The following NKAIN3 variants were observed in gnomAD, a reference collection of about 807,000 sequenced individuals.
NKAIN3 encodes sodium/potassium-transporting ATPase subunit beta-1-interacting protein 3.
A neutral mutation model predicts 30.2 loss-of-function variants in NKAIN3; 25 were observed. The ratio of observed to expected loss-of-function variants is 0.83; its 90% CI spans 0.60 to 1.16. The LOEUF is 1.16. Among genes scored for constraint, NKAIN3 ranks in the 50% most tolerant of loss-of-function variants. The probability of loss-of-function intolerance (pLI) is 0.00; values close to 1 mark genes in which losing one functional copy is unlikely to be tolerated. For synonymous variants in NKAIN3, 91 were observed against 89.6 expected, an observed-to-expected ratio of 1.02 and a Z score of -0.09; for missense variants, 225 against 254.1, an observed-to-expected ratio of 0.89 and a Z score of 0.78.
At chr8:62,556,342 T>C (rs143411200) in intron 1 of NKAIN3, among the ~76,000 whole-genome samples, 1 of 151,636 alleles carries the variant, frequency 6.6e-6, no homozygotes, top group East Asian at 1.9e-4. Flanking sequence ...AAATAACTCA[T>C]ATATATTTGA....
intron 1 of NKAIN3, among the ~76,000 whole-genome samples, chr8:62,442,308 A>G (rs57080182): frequency 3.2e-4 from 48 of 152,126 alleles, no homozygotes; most frequent in African/African-American, 1.1e-3. Flanking sequence ...TTAGGCTAAT[A>G]TTACTAGTTT....
intron 1 of NKAIN3, among the ~76,000 whole-genome samples, chr8:62,272,512 G>A (rs1290175604): frequency 6.6e-6 from 1 of 152,170 alleles, no homozygotes; most frequent in Non-Finnish European, 1.5e-5. Context: ...AGTAATTGGC[G>A]ACTTTGTTGG....
At chr8:62,681,708 A>C (rs1813649875) in intron 3 of NKAIN3, among the ~76,000 whole-genome samples, 1 of 152,198 alleles carries the variant, frequency 6.6e-6, no homozygotes, top group African/African-American at 2.4e-5. Flanking sequence ...CATTCTAATG[A>C]TCTTCTATGT....
At chr8:62,493,538 AT>A (rs1030239074) in intron 1 of NKAIN3, among the ~76,000 whole-genome samples, 1 of 151,806 alleles carries the variant, frequency 6.6e-6, no homozygotes, top group Admixed American at 6.6e-5. Context: ...AATTTTTAAA[AT>A]TTTTTTCTAG....
Position 62,977,199 on chromosome 8 carries a change from CTCTGTATTTCCTGAATTTGTAT to C in NKAIN3, c.*11805_*11826del. Among the ~76,000 whole-genome samples, 1 of 152,180 alleles carries C rather than the reference CTCTGTATTTCCTGAATTTGTAT, an allele frequency of 6.6e-6. No individual in the cohort carries two copies. The highest frequency in any genetic ancestry group is 2.4e-5 in the African/African-American group (1 of 41,520). On this transcript the variant is annotated 3_prime_UTR_variant, in exon 7 of 7. Transcript: ENST00000623646. Reference sequence around the variant, plus strand: ...TCTCAAAGAGTATCTTTGTGGTGTTCTCTGTATTTCCTGAATTTGTATTCTGTATTTCCTAAGCCTGCCTTGC... The same window carrying C: ...TCTCAAAGAGTATCTTTGTGGTGTTCTCTGTATTTCCTAAGCCTGCCTTGC...
At chr8:62,472,817 C>G (rs991383826) in intron 1 of NKAIN3, among the ~76,000 whole-genome samples, 1 of 152,170 alleles carries the variant, frequency 6.6e-6, no homozygotes, top group Non-Finnish European at 1.5e-5. Flanking sequence ...AAAAGCTTAG[C>G]GGTCTGACCA....
intron 1 of NKAIN3, among the ~76,000 whole-genome samples, chr8:62,505,602 G>C (rs1807607039): frequency 6.6e-6 from 1 of 152,080 alleles, no homozygotes; most frequent in Non-Finnish European, 1.5e-5. Context: ...CTGGGGACTT[G>C]CTAAATAGTT....
At chr8:62,250,285 C>A (rs1392852301) in intron 1 of NKAIN3, among the ~76,000 whole-genome samples, 1 of 152,064 alleles carries the variant, frequency 6.6e-6, no homozygotes, top group East Asian at 1.9e-4. Flanking sequence ...CCCATGAAAA[C>A]CTCACTTTGG....
intron 4 of NKAIN3, among the ~76,000 whole-genome samples, chr8:62,916,331 T>G (rs1822102607): frequency 6.6e-6 from 1 of 152,212 alleles, no homozygotes; most frequent in Non-Finnish European, 1.5e-5. Flanking sequence ...ATTAAGCTTA[T>G]GAAGAGTATT....
intron 1 of NKAIN3, among the ~76,000 whole-genome samples, chr8:62,266,555 T>G (rs1303738004): frequency 6.6e-6 from 1 of 152,170 alleles, no homozygotes; most frequent in Non-Finnish European, 1.5e-5. Flanking sequence ...TTAAAGGAAA[T>G]CTTGAGAAAT....
intron 4 of NKAIN3, among the ~76,000 whole-genome samples, chr8:62,807,929 A>G (rs974287914): frequency 2.0e-5 from 3 of 151,882 alleles, no homozygotes; most frequent in African/African-American, 7.2e-5. Flanking sequence ...ATGTTTTAGA[A>G]TGAATACTGG....
intron 1 of NKAIN3, among the ~76,000 whole-genome samples, chr8:62,443,514 G>A (rs1805394440): frequency 6.6e-6 from 1 of 152,070 alleles, no homozygotes; most frequent in Non-Finnish European, 1.5e-5. Context: ...CTCCCGAGTA[G>A]CTGGGACTAG....
chr8:62,947,731 G>A (rs1219566502), intron 5 of NKAIN3, among the ~76,000 whole-genome samples: 3 of 152,100 alleles, frequency 2.0e-5, no homozygotes, highest in Non-Finnish European at 2.9e-5. Flanking sequence ...ATTTTGCAAG[G>A]AAGCTCAGGC....
chr8:62,949,168 A>C (rs936288116), intron 5 of NKAIN3, among the ~76,000 whole-genome samples: 1 of 152,166 alleles, frequency 6.6e-6, no homozygotes, highest in Non-Finnish European at 1.5e-5. Context: ...CACCTTGCAC[A>C]TGTTGTCTCC....
intron 4 of NKAIN3, among the ~76,000 whole-genome samples, chr8:62,846,345 G>C (rs1375770767): frequency 6.6e-6 from 1 of 151,940 alleles, no homozygotes; most frequent in Non-Finnish European, 1.5e-5. Flanking sequence ...TTAAGTTCAG[G>C]GGTACATGTG....
chr8:62,997,752 C>CTT (rs146814476), intron 5 of NKAIN3, among the ~76,000 whole-genome samples: 2 of 112,706 alleles, frequency 1.8e-5, no homozygotes, highest in African/African-American at 6.9e-5. Flanking sequence ...GAGCTCTTTT[C>CTT]TTTAAAAAAA....
chr8:62,684,497 G>A (rs1813736108), intron 3 of NKAIN3, among the ~76,000 whole-genome samples: 1 of 152,158 alleles, frequency 6.6e-6, no homozygotes, highest in African/African-American at 2.4e-5. Flanking sequence ...GGACGAGAAG[G>A]ATGTAAAGCC....
intron 5 of NKAIN3, among the ~76,000 whole-genome samples, chr8:62,942,730 A>G (rs1383454194): frequency 6.6e-6 from 1 of 152,118 alleles, no homozygotes; most frequent in Non-Finnish European, 1.5e-5. Context: ...AAAGCCAAAT[A>G]CTTACAGCCA....
chr8:62,411,994 C>G (rs184982025), intron 1 of NKAIN3, among the ~76,000 whole-genome samples: 12 of 152,202 alleles, frequency 7.9e-5, no homozygotes, highest in Admixed American at 7.8e-4. Flanking sequence ...AAACAATTTA[C>G]AGATTCAATG....
Sources: gnomAD v4.1 joint callset for allele counts (sites outside exome capture counted in the v4.1 genomes callset) on GRCh38, gnomAD v4.1.1 for gene constraint, MANE v1.5 for transcripts, NCBI Gene and HGNC (gene_info 2026-07-23, HGNC 2026-07-21) for gene names.